Variants in HTR4 observed in about 807,000 individuals in gnomAD.
The protein encoded by HTR4 is 5-hydroxytryptamine receptor 4.
HTR4 carries 16 observed loss-of-function variants against 36.8 expected under a neutral mutation model. That is an observed-to-expected ratio of 0.43 (90% confidence interval 0.29 to 0.66). The LOEUF (loss-of-function observed/expected upper bound fraction) is 0.66, where lower values mean the gene tolerates loss of function less well. HTR4 is among the 30% of genes least tolerant of loss of function. The pLI is 0.13. For synonymous variants in HTR4, 189 were observed against 185.1 expected (o/e 1.02, Z -0.17); for missense variants, 438 against 490.9 (o/e 0.89, Z 1.02).
intron 1 of HTR4, among the ~76,000 whole-genome samples, chr5:148,652,039 CATT>C (rs1754055090): frequency 6.6e-6 from 1 of 152,146 alleles, no homozygotes; most frequent in Non-Finnish European, 1.5e-5. Context: ...ATGCTATAGT[CATT>C]ATCCAGATTC....
intron 6 of HTR4, among the ~76,000 whole-genome samples, chr5:148,486,097 A>G (rs1396169274): frequency 1.3e-5 from 2 of 152,222 alleles, no homozygotes; most frequent in African/African-American, 2.4e-5. Flanking sequence ...ATGGCCCAGC[A>G]TCTAACTCCA....
chr5:148,641,398 T>C lies in HTR4; in HGVS notation c.-47-4337A>G, dbSNP rs565767886. ...AAGGTACAAGAAATTATACCCTCCA[T>C]ACTAATCCCCTTCGGAGAAACAGTC... On this transcript the variant is annotated intron_variant, in intron 1 of 6. Transcript: ENST00000377888. Among the ~76,000 whole-genome samples, 3 of 152,246 alleles carry C rather than the reference T, an allele frequency of 2.0e-5. No homozygotes were observed. In the South Asian group the frequency reaches 6.2e-4, roughly 32 times the overall value.
intron 1 of HTR4, among the ~76,000 whole-genome samples, chr5:148,642,376 C>A (rs1753753610): frequency 6.6e-6 from 1 of 152,014 alleles, no homozygotes; most frequent in Non-Finnish European, 1.5e-5. Context: ...GAGGATGAAC[C>A]CAAGGGAGAA....
downstream of HTR4, among the ~76,000 whole-genome samples, chr5:148,480,828 G>C (rs775310557): frequency 1.3e-5 from 2 of 152,028 alleles, no homozygotes; most frequent in Admixed American, 6.6e-5. Context: ...CATAGTCCTC[G>C]AGTGCTCAGG....
At chr5:148,573,240 T>C (rs1581493938) in intron 2 of HTR4, among the ~76,000 whole-genome samples, 1 of 152,242 alleles carries the variant, frequency 6.6e-6, no homozygotes, top group Admixed American at 6.5e-5. Flanking sequence ...AAATGCTGTA[T>C]TGAGAAGGTT....
At position 148,600,976 on chromosome 5, in the gene HTR4, C is replaced by CAAAAAAAAAAAAAAAAAAA. The variant is rs58003522; in HGVS notation, c.26+35994_26+36012dup. Among the ~76,000 whole-genome samples the CAAAAAAAAAAAAAAAAAAA allele has an allele frequency of 1.3e-3, 18 of 13,550 alleles. 4 individuals are homozygous for CAAAAAAAAAAAAAAAAAAA. The highest frequency in any genetic ancestry group is 1.5e-3 in the Admixed American group (2 of 1,338). The allele number at this position is 13,550 out of a possible 152,430, so 8.9% of individuals were successfully genotyped here. A position where few individuals can be genotyped will look rare whatever the true frequency, so the allele number is the denominator to read the frequency against. On this transcript the variant is annotated intron_variant, in intron 2 of 6. Coordinates refer to ENST00000377888, the MANE Select transcript of HTR4 (RefSeq NM_000870.7). The stretch of plus-strand genomic sequence containing the variant: ...ATGAGGAACTCCCACAACTCAATAG[C>CAAAAAAAAAAAAAAAAAAA]AAAAAAAAAAAAAAAAAAAAAAAAA...
chr5:148,595,665 C>A (rs899186374), intron 2 of HTR4, among the ~76,000 whole-genome samples: 1 of 151,982 alleles, frequency 6.6e-6, no homozygotes, highest in African/African-American at 2.4e-5. Context: ...ATACATTGAC[C>A]ATTATATGCA....
intron 2 of HTR4, among the ~76,000 whole-genome samples, chr5:148,575,385 G>C (rs958327140): frequency 6.6e-6 from 1 of 151,894 alleles, no homozygotes; most frequent in African/African-American, 2.4e-5. Context: ...TTAATTAAAT[G>C]AGTAAAACAT....
intron 2 of HTR4, among the ~76,000 whole-genome samples, chr5:148,600,709 T>C (rs901532561): frequency 3.3e-5 from 5 of 151,812 alleles, no homozygotes; most frequent in Non-Finnish European, 7.4e-5. Context: ...AAACCAGTAA[T>C]GGAAGAAATT....
At chr5:148,524,581 G>A (rs1758173957) in intron 4 of HTR4, among the ~76,000 whole-genome samples, 1 of 152,138 alleles carries the variant, frequency 6.6e-6, no homozygotes, top group South Asian at 2.1e-4. Context: ...TGGCCTTGGA[G>A]ATCACCTCTT....
intron 2 of HTR4, 21 bp from the exon 3 acceptor site, chr5:148,550,283 C>T (rs1453116670): frequency 6.2e-7 from 1 of 1,613,300 alleles, no homozygotes; most frequent in African/African-American, 1.3e-5. Flanking sequence ...CACACAAGCA[C>T]AAAGAATTGA....
At chr5:148,468,757 T>C (rs190129368) in intron 5 of HTR4, among the ~76,000 whole-genome samples, 1 of 152,208 alleles carries the variant, frequency 6.6e-6, no homozygotes, top group African/African-American at 2.4e-5. Flanking sequence ...CCAAATCTCA[T>C]CTTGAATTGC....
At chr5:148,542,604 A>G (rs1328908995) in intron 4 of HTR4, among the ~76,000 whole-genome samples, 2 of 152,370 alleles carry the variant, frequency 1.3e-5, no homozygotes, top group East Asian at 3.9e-4. Context: ...TTGCAGTACT[A>G]TAGAGAATAC....
At chr5:148,468,785 T>C (rs1227016473) in intron 5 of HTR4, among the ~76,000 whole-genome samples, 1 of 152,130 alleles carries the variant, frequency 6.6e-6, no homozygotes, top group Non-Finnish European at 1.5e-5. Flanking sequence ...ATAATCCCCA[T>C]GTGTCGTGGG....
At chr5:148,556,494 A>C (rs1385374098) in intron 2 of HTR4, among the ~76,000 whole-genome samples, 1 of 152,234 alleles carries the variant, frequency 6.6e-6, no homozygotes, top group Non-Finnish European at 1.5e-5. Context: ...CTATATACCA[A>C]GGACTGTGCT....
chr5:148,573,673 A>G (rs187059578), intron 2 of HTR4, among the ~76,000 whole-genome samples: 29 of 152,178 alleles, frequency 1.9e-4, no homozygotes, highest in Admixed American at 4.6e-4. Flanking sequence ...AAGCAGTGGC[A>G]TGAGCAGTGG....
intron 2 of HTR4, among the ~76,000 whole-genome samples, chr5:148,566,426 A>G (rs1193942623): frequency 6.6e-6 from 1 of 152,202 alleles, no homozygotes; most frequent in Admixed American, 6.5e-5. Context: ...TGAAGACTCC[A>G]GTGTCAAGCT....
chr5:148,523,436 G>C, intron 4 of HTR4, 90 bp from the exon 5 acceptor site: 6 of 1,077,070 alleles, frequency 5.6e-6, no homozygotes, highest in African/African-American at 3.2e-5. Flanking sequence ...AAAAGGGGAG[G>C]AAGAGGGGAT....
At chr5:148,516,001 CATATACAT>C (rs923362837) in intron 5 of HTR4, among the ~76,000 whole-genome samples, 9 of 149,938 alleles carry the variant, frequency 6.0e-5, no homozygotes, top group Admixed American at 1.3e-4. Flanking sequence ...TATATATACA[CATATACAT>C]ATATGTATGG....
Sources: allele counts gnomAD v4.1 joint callset (sites outside exome capture counted in the v4.1 genomes callset), GRCh38; gene constraint gnomAD v4.1.1; transcripts MANE v1.5; gene names NCBI Gene and HGNC (gene_info 2026-07-23, HGNC 2026-07-21).